Variants in DOCK8 observed in about 807,000 individuals in gnomAD.
The protein encoded by DOCK8 is dedicator of cytokinesis protein 8.
A neutral mutation model predicts 245.6 loss-of-function variants in DOCK8; 141 were observed. That is an observed-to-expected ratio of 0.57 (90% CI 0.50 to 0.66). The LOEUF (loss-of-function observed/expected upper bound fraction) is 0.66, where lower values mean the gene tolerates loss of function less well. Among genes scored for constraint, DOCK8 ranks in the 30% least tolerant of loss-of-function variants. The pLI is 0.00. For missense variants in DOCK8, 2,965 were observed against 2,603.4 expected (o/e 1.14, Z -3.02); for synonymous variants, 1,168 against 970.2 (o/e 1.20, Z -3.79).
At chr9:335,604 C>G (rs2051272732) in intron 11 of DOCK8, among the ~76,000 whole-genome samples, 1 of 152,168 alleles carries the variant, frequency 6.6e-6, no homozygotes, top group Non-Finnish European at 1.5e-5. Flanking sequence ...TTAATGCCGT[C>G]TATGTAGACC....
chr9:387,572 G>A (rs1455380505), intron 23 of DOCK8, among the ~76,000 whole-genome samples: 1 of 152,178 alleles, frequency 6.6e-6, no homozygotes, highest in Non-Finnish European at 1.5e-5. Context: ...GCCTCCCCAA[G>A]TCTCCCTTTG....
intron 3 of DOCK8, among the ~76,000 whole-genome samples, chr9:288,934 A>G (rs1250912667): frequency 6.6e-6 from 1 of 152,194 alleles, no homozygotes; most frequent in East Asian, 1.9e-4. Flanking sequence ...CTTTGCTACA[A>G]TTGTTATTTT....
chr9:307,643 C>A (rs148024245), intron 5 of DOCK8, among the ~76,000 whole-genome samples: 7 of 152,104 alleles, frequency 4.6e-5, no homozygotes, highest in African/African-American at 1.7e-4. Context: ...CAGGTGTGAG[C>A]CACCGCACCC....
chr9:411,229 G>A (rs113432157), intron 28 of DOCK8, among the ~76,000 whole-genome samples: 6,523 of 152,034 alleles, frequency 0.043, 197 homozygotes, highest in Middle Eastern at 0.071. Context: ...CCTGGCCAAG[G>A]TGATGAAACC....
chr9:438,851 C>T (rs993753701), intron 39 of DOCK8, among the ~76,000 whole-genome samples: 1 of 152,116 alleles, frequency 6.6e-6, no homozygotes, highest in Non-Finnish European at 1.5e-5. Context: ...CAGAAAAACA[C>T]CACTGTAAGT....
chr9:215,062 C>A, intron 1 of DOCK8, 33 bp downstream of exon 1: 2 of 1,551,516 alleles, frequency 1.3e-6, no homozygotes, highest in Non-Finnish European at 1.7e-6. Context: ...CAGGTTGCGG[C>A]CGGACAGCCC....
chr9:250,072 C>G (rs2047612038), intron 1 of DOCK8, among the ~76,000 whole-genome samples: 3 of 152,162 alleles, frequency 2.0e-5, no homozygotes, highest in Admixed American at 2.0e-4. Context: ...ACAGTCTGAA[C>G]TCCTCCACTG....
chr9:214,507 C>G (rs768446688), upstream of DOCK8: 5 of 1,612,748 alleles, frequency 3.1e-6, no homozygotes, highest in Non-Finnish European at 4.2e-6. Context: ...TAACACCTAG[C>G]CTTACGAATC....
At chr9:433,405 T>G (rs940987141) in intron 37 of DOCK8, among the ~76,000 whole-genome samples, 1 of 152,202 alleles carries the variant, frequency 6.6e-6, no homozygotes, top group Non-Finnish European at 1.5e-5. Context: ...GGACCTCCAC[T>G]GTTGGTTTTA....
chr9:252,572 G>A (rs2047674521), intron 1 of DOCK8, among the ~76,000 whole-genome samples: 1 of 151,952 alleles, frequency 6.6e-6, no homozygotes, highest in Non-Finnish European at 1.5e-5. Flanking sequence ...GGAGGCCGAG[G>A]CGGGCAGATC....
chr9:242,810 G>T (rs111528000), intron 1 of DOCK8, among the ~76,000 whole-genome samples: 6,670 of 140,886 alleles, frequency 0.047, 190 homozygotes, highest in South Asian at 0.076. Flanking sequence ...TGTTGAGCTT[G>T]TTTTTTTTTT....
At chr9:456,132 G>A (rs550687967) in intron 46 of DOCK8, 3 of 152,330 alleles carry the variant, frequency 2.0e-5, no homozygotes, top group South Asian at 4.1e-4. Flanking sequence ...GTGCACAACT[G>A]TGTAAATTAC....
intron 5 of DOCK8, among the ~76,000 whole-genome samples, chr9:311,368 C>G (rs1163775882): frequency 6.6e-6 from 1 of 150,476 alleles, no homozygotes; most frequent in Non-Finnish European, 1.5e-5. Context: ...CCTAAACCTC[C>G]CAAGTAGCTA....
intron 35 of DOCK8, among the ~76,000 whole-genome samples, chr9:429,361 C>A (rs985475503): frequency 6.6e-6 from 1 of 152,196 alleles, no homozygotes; most frequent in Non-Finnish European, 1.5e-5. Context: ...CTTCTCAGGA[C>A]CATTTTCTCT....
chr9:346,707 T>A (rs10814029), intron 14 of DOCK8, among the ~76,000 whole-genome samples: 83,080 of 151,978 alleles, frequency 0.55, 24,215 homozygotes, highest in East Asian at 0.83. Context: ...AAGTCTGATC[T>A]GGCCTAACGG....
chr9:381,777 T>C (rs1440831729), intron 21 of DOCK8, among the ~76,000 whole-genome samples: 2 of 152,066 alleles, frequency 1.3e-5, no homozygotes, highest in Non-Finnish European at 2.9e-5. Context: ...CTAGGCAACG[T>C]GACAAAAGCC....
At chr9:387,866 T>C (rs1209298588) in intron 23 of DOCK8, among the ~76,000 whole-genome samples, 1 of 152,232 alleles carries the variant, frequency 6.6e-6, no homozygotes, top group African/African-American at 2.4e-5. Context: ...ACCCATGTCC[T>C]GTTTGGTTTC....
Position 340,214 on chromosome 9 carries a change from T to C in DOCK8, c.1572T>C (p.Thr524=), listed in dbSNP as rs377541012. ...CAGAGATCATCAATTGCTGTCTGACTCCTGAAATGCTGCCCGTGAAACCCT... is the reference window on the plus strand; with the variant it reads ...CAGAGATCATCAATTGCTGTCTGACCCCTGAAATGCTGCCCGTGAAACCCT... The part of the protein sequence containing the change: ...TAPEIINCCL[T]PEMLPVKPFP... The change falls in exon 14 of 48, where the codon ACT becomes ACC. Residue 524 remains threonine (T), a synonymous_variant. Coordinates refer to ENST00000432829, the MANE Select transcript of DOCK8 (RefSeq NM_203447.4). 59 of 1,614,038 alleles carry C rather than the reference T, an allele frequency of 3.7e-5. No homozygotes were observed. Among genetic ancestry groups the C allele is most frequent in the Non-Finnish European group, 4.8e-5 (57 of 1,180,030 alleles).
At chr9:433,121 A>G (rs2056776100) in intron 37 of DOCK8, among the ~76,000 whole-genome samples, 1 of 152,162 alleles carries the variant, frequency 6.6e-6, no homozygotes, top group African/African-American at 2.4e-5. Flanking sequence ...TCTACATCAA[A>G]TCGTTCCTCT....
Sources: gnomAD v4.1 joint callset for allele counts (sites outside exome capture counted in the v4.1 genomes callset) on GRCh38, gnomAD v4.1.1 for gene constraint, MANE v1.5 for transcripts, NCBI Gene and HGNC (gene_info 2026-07-23, HGNC 2026-07-21) for gene names.